The following NREP variants were observed in gnomAD, a reference collection of about 807,000 sequenced individuals.
NREP encodes the protein neuronal regeneration-related protein.
A neutral mutation model predicts 8.6 loss-of-function variants in NREP; 5 were observed. The ratio of observed to expected loss-of-function variants is 0.58; its 90% confidence interval spans 0.30 to 1.22. The LOEUF is 1.22. NREP is among the 50% of genes most tolerant of loss of function. The pLI is 0.07. For missense variants in NREP, 86 were observed against 82.5 expected (o/e 1.04, Z -0.17); for synonymous variants, 27 against 28.0 (o/e 0.96, Z 0.11).
intron 2 of NREP, among the ~76,000 whole-genome samples, chr5:111,944,232 T>C (rs1162538151): frequency 6.6e-6 from 1 of 152,140 alleles, no homozygotes; most frequent in African/African-American, 2.4e-5. Context: ...TCAGTACAAT[T>C]GTTAGGTTTC....
chr5:111,771,329 A>G (rs1012456172), intron 2 of NREP, among the ~76,000 whole-genome samples: 1 of 152,076 alleles, frequency 6.6e-6, no homozygotes, highest in Non-Finnish European at 1.5e-5. Flanking sequence ...ATCTGAGATT[A>G]CTGAGTAAAT....
At chr5:111,954,666 A>G (rs1446186951) in intron 2 of NREP, among the ~76,000 whole-genome samples, 1 of 152,188 alleles carries the variant, frequency 6.6e-6, no homozygotes, top group East Asian at 1.9e-4. Flanking sequence ...AAAGAAGGGT[A>G]GGGAACAGAG....
At chr5:111,885,987 T>G (rs1352314496) in intron 2 of NREP, among the ~76,000 whole-genome samples, 6 of 152,100 alleles carry the variant, frequency 3.9e-5, no homozygotes, top group Non-Finnish European at 8.8e-5. Flanking sequence ...CTAATTAAAC[T>G]AAAGAGCTTC....
At chr5:111,962,809 C>A (rs1342531498) in intron 2 of NREP, among the ~76,000 whole-genome samples, 1 of 152,186 alleles carries the variant, frequency 6.6e-6, no homozygotes, top group Non-Finnish European at 1.5e-5. Context: ...GACTGCTGGA[C>A]TTTGGAGGAG....
chr5:111,758,157 G>C (rs1297565907), upstream of NREP: 4 of 985,452 alleles, frequency 4.1e-6, no homozygotes, highest in African/African-American at 1.7e-5. Flanking sequence ...TCCCTTCCGC[G>C]GGGAAGCCCG....
chr5:111,897,917 A>G (rs1017145196), intron 2 of NREP, among the ~76,000 whole-genome samples: 1 of 152,138 alleles, frequency 6.6e-6, no homozygotes, highest in Non-Finnish European at 1.5e-5. Flanking sequence ...TGTTTCCTAT[A>G]CTGAATGTTT....
chr5:111,928,735 G>A (rs1391012489), intron 2 of NREP, among the ~76,000 whole-genome samples: 1 of 152,124 alleles, frequency 6.6e-6, no homozygotes. Flanking sequence ...TGAAGTGGGA[G>A]GAAGTCAGCT....
At chr5:111,833,362 C>T (rs1229829477) in intron 2 of NREP, among the ~76,000 whole-genome samples, 3 of 152,214 alleles carry the variant, frequency 2.0e-5, no homozygotes, top group Non-Finnish European at 4.4e-5. Flanking sequence ...AATGATACTA[C>T]TTTAGCGCCA....
At chr5:111,860,081 A>G (rs1753512032) in intron 2 of NREP, among the ~76,000 whole-genome samples, 1 of 152,170 alleles carries the variant, frequency 6.6e-6, no homozygotes, top group African/African-American at 2.4e-5. Flanking sequence ...AAATCCTTCT[A>G]GGACTTCCAG....
intron 2 of NREP, among the ~76,000 whole-genome samples, chr5:111,854,187 C>A (rs572084936): frequency 6.6e-6 from 1 of 152,270 alleles, no homozygotes; most frequent in Non-Finnish European, 1.5e-5. Flanking sequence ...AAACACTCTC[C>A]TTCATGATGA....
intron 2 of NREP, among the ~76,000 whole-genome samples, chr5:111,964,702 C>T (rs895224921): frequency 2.0e-5 from 3 of 151,674 alleles, no homozygotes; most frequent in African/African-American, 4.8e-5. Context: ...TGGCTGTGTC[C>T]AGTTTGGCTC....
At chr5:111,904,674 A>T (rs1314568687) in intron 2 of NREP, among the ~76,000 whole-genome samples, 1 of 152,172 alleles carries the variant, frequency 6.6e-6, no homozygotes, top group Non-Finnish European at 1.5e-5. Flanking sequence ...GCTCCATGGT[A>T]TAATGAGTAT....
intron 2 of NREP, among the ~76,000 whole-genome samples, chr5:111,908,661 T>TA (rs1366209249): frequency 6.6e-6 from 1 of 151,612 alleles, no homozygotes; most frequent in Non-Finnish European, 1.5e-5. Flanking sequence ...CACTTTTTTT[T>TA]AATCCGATCC....
At chr5:111,777,236 A>G (rs940500055) in intron 2 of NREP, among the ~76,000 whole-genome samples, 6 of 152,178 alleles carry the variant, frequency 3.9e-5, no homozygotes, top group Non-Finnish European at 5.9e-5. Flanking sequence ...GATGCCTAGA[A>G]GAAAAGCCAA....
chr5:111,968,949 C>T (rs1022678297), intron 2 of NREP, among the ~76,000 whole-genome samples: 4 of 152,188 alleles, frequency 2.6e-5, no homozygotes, highest in Non-Finnish European at 4.4e-5. Flanking sequence ...TAAAATAGGT[C>T]AAACTTTGTT....
At chr5:111,798,354 GC>G (rs1266492309) in intron 2 of NREP, among the ~76,000 whole-genome samples, 1 of 151,936 alleles carries the variant, frequency 6.6e-6, no homozygotes, top group Admixed American at 6.6e-5. Context: ...GAAAATTTGG[GC>G]TTTTTTAATT....
chr5:111,765,185 G>A (rs1561657551), intron 2 of NREP, among the ~76,000 whole-genome samples: 1 of 152,156 alleles, frequency 6.6e-6, no homozygotes, highest in Non-Finnish European at 1.5e-5. Context: ...TTCTTATAAG[G>A]AATGCACAAG....
Position 111,845,264 on chromosome 5 carries a change from T to A in NREP, c.136-109757A>T, listed in dbSNP as rs1753132649. On this transcript the variant is annotated intron_variant, in intron 2 of 3. Transcript: ENST00000395634. ...GTAATGTGAAACTGTCCTTTCTACC[T>A]CACTCAATGCATCTTTTTTTTTTTT... Among the ~76,000 whole-genome samples the A allele has an allele frequency of 2.8e-5, 4 of 141,118 alleles. No homozygotes were observed. The East Asian group carries it at 6.2e-4, about 22-fold the overall frequency. The allele number at this position is 141,118 out of a possible 152,430, so 92.6% of individuals were successfully genotyped here. A position where few individuals can be genotyped will look rare whatever the true frequency, so the allele number is the denominator to read the frequency against.
chr5:111,942,837 C>T (rs952278367), intron 2 of NREP, among the ~76,000 whole-genome samples: 2 of 152,050 alleles, frequency 1.3e-5, no homozygotes, highest in African/African-American at 4.8e-5. Flanking sequence ...TAGTAGTCAA[C>T]ACTAGGCAAG....
Sources: allele counts gnomAD v4.1 joint callset (sites outside exome capture counted in the v4.1 genomes callset), GRCh38; gene constraint gnomAD v4.1.1; transcripts MANE v1.5; gene names NCBI Gene and HGNC (gene_info 2026-07-23, HGNC 2026-07-21).